Variants in PTPRD observed in about 807,000 individuals in gnomAD.
PTPRD encodes the protein receptor-type tyrosine-protein phosphatase delta.
A neutral mutation model predicts 214.5 loss-of-function variants in PTPRD; 34 were observed. The ratio of observed to expected loss-of-function variants is 0.16; its 90% CI spans 0.12 to 0.21. The LOEUF is 0.21. Ranked by LOEUF, PTPRD falls within the 10% of genes least tolerant of loss-of-function variation. The pLI is 1.00. For missense variants in PTPRD, 2,545 were observed against 2,398.7 expected (o/e 1.06, Z -1.27); for synonymous variants, 1,128 against 845.7 (o/e 1.33, Z -5.79).
Position 8,499,627 on chromosome 9 carries a change from A to C in PTPRD, c.2322+20T>G, listed in dbSNP as rs754625921. 2 of 1,599,876 alleles carry C rather than the reference A, an allele frequency of 1.3e-6. No individual in the cohort carries two copies. Among genetic ancestry groups the C allele is most frequent in the Non-Finnish European group, 1.7e-6 (2 of 1,176,056 alleles). On this transcript the variant is annotated intron_variant, in intron 25 of 45. Transcript: ENST00000381196. ...AAACTTATTATATAAAAACAGAGGTACATAATTTCAGAGGCTTACCTGTGC... is the reference window on the plus strand; with the variant it reads ...AAACTTATTATATAAAAACAGAGGTCCATAATTTCAGAGGCTTACCTGTGC...
At chr9:9,830,675 A>T (rs7868673) in intron 5 of PTPRD, among the ~76,000 whole-genome samples, 2 of 151,626 alleles carry the variant, frequency 1.3e-5, no homozygotes, top group Admixed American at 1.3e-4. Context: ...ATATTGACAG[A>T]CTGGCACAAA....
chr9:8,927,872 G>T (rs2098914323), intron 11 of PTPRD, among the ~76,000 whole-genome samples: 1 of 152,084 alleles, frequency 6.6e-6, no homozygotes, highest in Non-Finnish European at 1.5e-5. Context: ...AGCATCTGTT[G>T]TTTCCTGACT....
At chr9:8,887,989 A>G (rs2098506071) in intron 11 of PTPRD, among the ~76,000 whole-genome samples, 2 of 152,256 alleles carry the variant, frequency 1.3e-5, no homozygotes, top group African/African-American at 2.4e-5. Flanking sequence ...GAAATTCATT[A>G]TATATACCCA....
chr9:9,963,528 G>C (rs370778480), intron 4 of PTPRD, among the ~76,000 whole-genome samples: 1 of 152,088 alleles, frequency 6.6e-6, no homozygotes, highest in East Asian at 1.9e-4. Flanking sequence ...AAGCATCATC[G>C]AATAAATCAA....
chr9:8,448,005 T>G (rs1308360098), intron 34 of PTPRD, among the ~76,000 whole-genome samples: 1 of 152,104 alleles, frequency 6.6e-6, no homozygotes, highest in Non-Finnish European at 1.5e-5. Context: ...TTGAAAGGAA[T>G]ATAAATTCCT....
At chr9:8,673,729 T>C (rs2097337053) in intron 12 of PTPRD, among the ~76,000 whole-genome samples, 1 of 152,200 alleles carries the variant, frequency 6.6e-6, no homozygotes, top group Non-Finnish European at 1.5e-5. Context: ...TTAATTTAGC[T>C]GCTAAGGAAA....
At chr9:9,961,748 G>A (rs534193974) in intron 4 of PTPRD, among the ~76,000 whole-genome samples, 1 of 152,166 alleles carries the variant, frequency 6.6e-6, no homozygotes, top group African/African-American at 2.4e-5. Context: ...CTGTAATACG[G>A]TGCTTGGCAA....
intron 12 of PTPRD, among the ~76,000 whole-genome samples, chr9:8,657,710 G>T (rs535909598): frequency 1.3e-5 from 2 of 151,994 alleles, no homozygotes; most frequent in African/African-American, 4.8e-5. Flanking sequence ...ATCTTTGCCC[G>T]TGCCTATGTC....
chr9:9,430,441 C>A (rs140284703), intron 8 of PTPRD, among the ~76,000 whole-genome samples: 2 of 151,158 alleles, frequency 1.3e-5, no homozygotes, highest in African/African-American at 4.9e-5. Context: ...TGTTCATGGA[C>A]AGGAAGAATC....
chr9:10,202,414 T>C (rs7874279), intron 3 of PTPRD, among the ~76,000 whole-genome samples: 3,477 of 151,578 alleles, frequency 0.023, 130 homozygotes, highest in African/African-American at 0.079. Flanking sequence ...TAGTCTAAGG[T>C]GCTTTTCCCA....
intron 12 of PTPRD, among the ~76,000 whole-genome samples, chr9:8,698,310 A>G (rs1227692509): frequency 6.6e-6 from 1 of 152,186 alleles, no homozygotes; most frequent in Non-Finnish European, 1.5e-5. Flanking sequence ...ATTTTTGAAA[A>G]TGCTGGTGAA....
chr9:10,584,185 AAAAAAAAAAGAAAG>A (rs1293357359), intron 2 of PTPRD, among the ~76,000 whole-genome samples: 99 of 151,288 alleles, frequency 6.5e-4, no homozygotes, highest in African/African-American at 2.2e-3. Flanking sequence ...ACAATTACAA[AAAAAAAAAAGAAAG>A]AAAAAAAAAG....
At chr9:10,452,024 A>G (rs12003909) in intron 2 of PTPRD, among the ~76,000 whole-genome samples, 1 of 152,016 alleles carries the variant, frequency 6.6e-6, no homozygotes, top group African/African-American at 2.4e-5. Flanking sequence ...AAAATTCCTT[A>G]CACTTCTTAT....
rs149638932 is a variant in PTPRD, at chr9:8,852,075, G to A, written c.-103-118129C>T. Among the ~76,000 whole-genome samples the A allele has an allele frequency of 1.8e-3, 279 of 151,600 alleles. 4 individuals carry two copies. The East Asian group carries it at 0.046, about 25-fold the overall frequency. On this transcript the variant is annotated intron_variant, in intron 11 of 45. Coordinates refer to ENST00000381196, the MANE Select transcript of PTPRD (RefSeq NM_002839.4). The stretch of plus-strand genomic sequence containing the variant: ...ACTAACGGTTTAAAAAAAAAAAGAT[G>A]TCTCTTGTTACTTGTGATCCAATCA...
intron 5 of PTPRD, among the ~76,000 whole-genome samples, chr9:9,867,099 A>C (rs2064164592): frequency 6.6e-6 from 1 of 152,136 alleles, no homozygotes; most frequent in Admixed American, 6.5e-5. Context: ...ATAGAGGTTC[A>C]CCTATGCTAC....
At chr9:9,694,584 CT>C (rs1178429794) in intron 7 of PTPRD, among the ~76,000 whole-genome samples, 1 of 151,918 alleles carries the variant, frequency 6.6e-6, no homozygotes, top group Admixed American at 6.6e-5. Context: ...TCCAGAGATG[CT>C]GTCCGGAAGC....
intron 9 of PTPRD, among the ~76,000 whole-genome samples, chr9:9,364,901 G>T (rs1329941190): frequency 6.6e-6 from 1 of 151,376 alleles, no homozygotes; most frequent in African/African-American, 2.4e-5. Context: ...CAATAATCCA[G>T]GCAAAACCTA....
chr9:9,980,073 T>A (rs2095488389), intron 4 of PTPRD, among the ~76,000 whole-genome samples: 1 of 152,120 alleles, frequency 6.6e-6, no homozygotes. Flanking sequence ...AAATATTTAT[T>A]AAACAAGAAC....
intron 44 of PTPRD, among the ~76,000 whole-genome samples, chr9:8,321,483 G>GTATATATATATATATATATATA (rs1283435570): frequency 2.0e-5 from 1 of 48,788 alleles, no homozygotes; most frequent in Admixed American, 2.3e-4. Flanking sequence ...GTGTGTGTGT[G>GTATATATATATATATATATATA]TGTGTATATA....
Sources: allele counts gnomAD v4.1 joint callset (sites outside exome capture counted in the v4.1 genomes callset), GRCh38; gene constraint gnomAD v4.1.1; transcripts MANE v1.5; gene names NCBI Gene and HGNC (gene_info 2026-07-23, HGNC 2026-07-21).